SLC22A23: variants seen among roughly 807,000 people sequenced by gnomAD.
SLC22A23 encodes ion transporter protein.
In SLC22A23, 26 loss-of-function variants were observed where a neutral mutation model predicts 61.0. The ratio of observed to expected loss-of-function variants is 0.43; its 90% CI spans 0.31 to 0.59. SLC22A23 has a LOEUF of 0.59. SLC22A23 is among the 20% of genes least tolerant of loss of function. The pLI is 0.11. For synonymous variants in SLC22A23, 430 were observed against 413.9 expected, an observed-to-expected ratio of 1.04 and a Z score of -0.47; for missense variants, 796 against 934.7, an observed-to-expected ratio of 0.85 and a Z score of 1.94.
In SLC22A23 at chr6:3,446,788, G is replaced by C. The variant is rs570558547; in HGVS notation, c.654+9118C>G. 3.3e-5 allele frequency among the ~76,000 whole-genome samples: 5 copies of C among 152,248 alleles called. No homozygotes were observed. The South Asian group carries it at 1.0e-3, about 32-fold the overall frequency. On this transcript the variant is annotated intron_variant, in intron 1 of 9. Transcript: ENST00000406686. ...GGCTACAGAGCCCCAAGTCTCCATC[G>C]TACGTGCGGTGTTTGGGCCCAGGCC...
intron 4 of SLC22A23, among the ~76,000 whole-genome samples, chr6:3,319,296 A>G (rs950928424): frequency 2.0e-5 from 3 of 152,126 alleles, no homozygotes; most frequent in African/African-American, 7.2e-5. Flanking sequence ...GCAGAAGCCA[A>G]CTTTTGCCTT....
chr6:3,355,437 G>GA (rs1381458206), intron 3 of SLC22A23, among the ~76,000 whole-genome samples: 4 of 151,596 alleles, frequency 2.6e-5, no homozygotes, highest in Non-Finnish European at 5.9e-5. Flanking sequence ...CCTGGGTCGA[G>GA]AAAAAAAATC....
At chr6:3,316,781 C>T (rs1387007580) in intron 4 of SLC22A23, among the ~76,000 whole-genome samples, 2 of 152,172 alleles carry the variant, frequency 1.3e-5, no homozygotes, top group African/African-American at 2.4e-5. Flanking sequence ...GGGATACAGA[C>T]ACGTGCTCCC....
At chr6:3,294,665 C>T (rs1404134021) in intron 5 of SLC22A23, among the ~76,000 whole-genome samples, 2 of 152,140 alleles carry the variant, frequency 1.3e-5, no homozygotes, top group Non-Finnish European at 2.9e-5. Flanking sequence ...CTCAAAACCT[C>T]AGGAACTAAT....
intron 3 of SLC22A23, among the ~76,000 whole-genome samples, chr6:3,336,677 C>A (rs907724689): frequency 6.6e-6 from 1 of 152,204 alleles, no homozygotes; most frequent in South Asian, 2.1e-4. Flanking sequence ...AGAGGCTCAA[C>A]ACGCCCTGAA....
At chr6:3,334,594 A>T (rs1162380933) in intron 3 of SLC22A23, among the ~76,000 whole-genome samples, 3 of 152,186 alleles carry the variant, frequency 2.0e-5, no homozygotes, top group Non-Finnish European at 2.9e-5. Context: ...GAAATTCAAA[A>T]TTTCTCAGCC....
At chr6:3,352,834 T>C (rs902903269) in intron 3 of SLC22A23, among the ~76,000 whole-genome samples, 15 of 152,118 alleles carry the variant, frequency 9.9e-5, no homozygotes, top group Non-Finnish European at 2.2e-4. Context: ...AACAGCAGTT[T>C]AGAGACGCTC....
rs1772282841 is a variant in SLC22A23, at chr6:3,454,173, C to T, written c.654+1733G>A. Among the ~76,000 whole-genome samples the T allele has an allele frequency of 6.6e-6, 1 of 152,196 alleles. No individual in the cohort carries two copies. Among genetic ancestry groups the T allele is most frequent in the Admixed American group, 6.5e-5 (1 of 15,284 alleles). ...CCAGTAACTGCAACGTGTCATCAAG[C>T]ATCACCCAAAACATGCCACACACAT... On this transcript the variant is annotated intron_variant, in intron 1 of 9. Coordinates refer to ENST00000406686, the MANE Select transcript of SLC22A23 (RefSeq NM_015482.2). The surrounding 1 kb of genome is among the most constrained non-coding windows in gnomAD (Gnocchi z 4.3).
rs2074467073 is a variant in SLC22A23, at chr6:3,286,796, A to G, written c.1546+63T>C. 6.4e-6 allele frequency: 9 copies of G among 1,407,508 alleles called. No individual in the cohort carries two copies. The highest frequency in any genetic ancestry group is 2.0e-5 in the Admixed American group (1 of 50,418). The allele number at this position is 1,407,508 out of a possible 1,614,324, so 87.2% of individuals were successfully genotyped here. Reference sequence around the variant, plus strand: ...AGCGGAGTCTTATGCAGCCCTTTCAAATGCCCTTGGGGATCTGCCAGCTTC... The same window carrying G: ...AGCGGAGTCTTATGCAGCCCTTTCAGATGCCCTTGGGGATCTGCCAGCTTC... On this transcript the variant is annotated intron_variant, in intron 7 of 9. Transcript: ENST00000406686. The surrounding 1 kb of genome is among the most constrained non-coding windows in gnomAD (Gnocchi z 4.2).
chr6:3,401,754 T>C lies in SLC22A23; in HGVS notation c.913+8434A>G, dbSNP rs191696175. 5.3e-5 allele frequency among the ~76,000 whole-genome samples: 8 copies of C among 152,338 alleles called. No homozygotes were observed. The East Asian group carries it at 1.5e-3, about 29-fold the overall frequency. On this transcript the variant is annotated intron_variant, in intron 3 of 9. Coordinates refer to ENST00000406686, the MANE Select transcript of SLC22A23 (RefSeq NM_015482.2). The stretch of plus-strand genomic sequence containing the variant: ...TGGTTCTTCTACCTCCACCCATTTG[T>C]TGCTCAGCTACAGAGCCCCTGGGTG...
intron 1 of SLC22A23, among the ~76,000 whole-genome samples, chr6:3,420,185 T>C (rs1479930484): frequency 6.6e-6 from 1 of 150,524 alleles, no homozygotes; most frequent in African/African-American, 2.5e-5. Flanking sequence ...CTCCAGAGTG[T>C]GTCTACATTT....
intron 3 of SLC22A23, among the ~76,000 whole-genome samples, chr6:3,397,810 T>C (rs1768107793): frequency 6.6e-6 from 1 of 152,276 alleles, no homozygotes; most frequent in Middle Eastern, 3.4e-3. Context: ...CTGTAGCTAC[T>C]AGATGTCTAA....
At chr6:3,426,079 G>T (rs1424558872) in intron 1 of SLC22A23, among the ~76,000 whole-genome samples, 2 of 152,138 alleles carry the variant, frequency 1.3e-5, no homozygotes, top group South Asian at 2.1e-4. Context: ...TTTGTCAGGG[G>T]TCTGTGAATA....
At chr6:3,280,662 A>G (rs939804197) in intron 9 of SLC22A23, among the ~76,000 whole-genome samples, 2 of 150,770 alleles carry the variant, frequency 1.3e-5, no homozygotes, top group Non-Finnish European at 3.0e-5. Context: ...CGCCCGGCTA[A>G]TTTTTTTTGT....
At chr6:3,425,500 G>C (rs149194249) in intron 1 of SLC22A23, among the ~76,000 whole-genome samples, 3,004 of 152,006 alleles carry the variant, frequency 0.02, 106 homozygotes, top group African/African-American at 0.067. Flanking sequence ...TAGCCAGGAT[G>C]GTCTCAATCT....
chr6:3,346,420 T>C (rs1400815112), intron 3 of SLC22A23, among the ~76,000 whole-genome samples: 1 of 151,924 alleles, frequency 6.6e-6, no homozygotes, highest in Non-Finnish European at 1.5e-5. Context: ...AACCCCTTCC[T>C]CCCCTGCATG....
chr6:3,430,597 C>T (rs1770794769), intron 1 of SLC22A23, among the ~76,000 whole-genome samples: 1 of 152,130 alleles, frequency 6.6e-6, no homozygotes, highest in African/African-American at 2.4e-5. Context: ...AAAGTGCTGT[C>T]CTCGCTCTTT....
intron 4 of SLC22A23, among the ~76,000 whole-genome samples, chr6:3,314,809 C>T (rs1193393127): frequency 2.0e-5 from 3 of 152,080 alleles, no homozygotes; most frequent in African/African-American, 4.8e-5. Flanking sequence ...GTGTCTTCTC[C>T]GGGCCAGTGT....
intron 1 of SLC22A23, among the ~76,000 whole-genome samples, chr6:3,422,082 C>T (rs1273931178): frequency 6.6e-6 from 1 of 152,192 alleles, no homozygotes; most frequent in Non-Finnish European, 1.5e-5. Context: ...TAAAGCTGAG[C>T]AGTGTCAGTT....
Sources: gnomAD v4.1 joint callset for allele counts (sites outside exome capture counted in the v4.1 genomes callset) on GRCh38, gnomAD v4.1.1 for gene constraint, Gnocchi (gnomAD v3.1) non-coding constraint, MANE v1.5 for transcripts, NCBI Gene and HGNC (gene_info 2026-07-23, HGNC 2026-07-21) for gene names.